BLZF1: variants seen among roughly 807,000 people sequenced by gnomAD.
The protein encoded by BLZF1 is basic leucine zipper nuclear factor 1.
BLZF1 carries 39 observed loss-of-function variants against 43.8 expected under a neutral mutation model. The ratio of observed to expected loss-of-function variants is 0.89; its 90% confidence interval spans 0.69 to 1.16. The LOEUF (loss-of-function observed/expected upper bound fraction) is 1.16. Ranked by LOEUF, BLZF1 falls within the 50% of genes most tolerant of loss-of-function variation. The probability of loss-of-function intolerance (pLI) is 0.00; values close to 1 mark genes in which losing one functional copy is unlikely to be tolerated. For missense variants in BLZF1, 449 were observed against 469.8 expected (o/e 0.96, Z 0.41); for synonymous variants, 136 against 159.4 (o/e 0.85, Z 1.11).
chr1:169,390,493 C>T (rs1654791650), downstream of BLZF1, among the ~76,000 whole-genome samples: 1 of 152,032 alleles, frequency 6.6e-6, no homozygotes, highest in South Asian at 2.1e-4. Flanking sequence ...AAAGTGGGGA[C>T]ATTATTAGTC....
chr1:169,392,405 G>C (rs1654835402), downstream of BLZF1, among the ~76,000 whole-genome samples: 1 of 152,130 alleles, frequency 6.6e-6, no homozygotes, highest in African/African-American at 2.4e-5. Context: ...CTAACATACA[G>C]ATCAATAGAA....
downstream of BLZF1, among the ~76,000 whole-genome samples, chr1:169,388,616 T>C (rs1297676527): frequency 6.6e-6 from 1 of 152,182 alleles, no homozygotes; most frequent in Non-Finnish European, 1.5e-5. Flanking sequence ...GCAAATCATA[T>C]ATCTGATAAC....
chr1:169,379,550 A>G (rs902624774), intron 4 of BLZF1, among the ~76,000 whole-genome samples: 2 of 152,022 alleles, frequency 1.3e-5, no homozygotes, highest in African/African-American at 4.8e-5. Flanking sequence ...CCTGATCAAC[A>G]CCAATAGTAA....
At chr1:169,392,752 T>TTGA (rs1654845832), downstream of BLZF1, among the ~76,000 whole-genome samples, 2 of 152,154 alleles carry the variant, frequency 1.3e-5, no homozygotes. Context: ...GAAGGTTAAG[T>TTGA]TGATTACCAG....
intron 2 of BLZF1, among the ~76,000 whole-genome samples, chr1:169,372,331 A>AT (rs754729327): frequency 8.5e-5 from 13 of 152,118 alleles, no homozygotes; most frequent in Non-Finnish European, 1.6e-4. Flanking sequence ...GGAATTAATG[A>AT]TTTAGGGTAG....
At chr1:169,389,038 C>T (rs1013274540), downstream of BLZF1, among the ~76,000 whole-genome samples, 1 of 152,132 alleles carries the variant, frequency 6.6e-6, no homozygotes, top group South Asian at 2.1e-4. Context: ...CAGAGAATTG[C>T]TTGAACCTGG....
At chr1:169,378,882 T>C (rs1003534416) in intron 4 of BLZF1, among the ~76,000 whole-genome samples, 18 of 152,004 alleles carry the variant, frequency 1.2e-4, no homozygotes, top group African/African-American at 4.1e-4. Context: ...CAAGATAATA[T>C]TATTCATTCT....
chr1:169,394,349 C>T (rs1353341661), intron 7 of BLZF1, among the ~76,000 whole-genome samples: 3 of 152,078 alleles, frequency 2.0e-5, no homozygotes, highest in East Asian at 1.9e-4. Flanking sequence ...ATTTCAGATT[C>T]GGGGATACAT....
At chr1:169,385,779 T>C (rs1422900949) in intron 6 of BLZF1, among the ~76,000 whole-genome samples, 1 of 151,684 alleles carries the variant, frequency 6.6e-6, no homozygotes, top group Non-Finnish European at 1.5e-5. Context: ...ATTCTTAGAG[T>C]AGTGATGGCT....
At position 169,382,280 on chromosome 1, in the gene BLZF1, C is replaced by T. The variant is rs371736116; in HGVS notation, c.1016C>T (p.Thr339Met). 2.8e-5 allele frequency: 45 copies of T among 1,611,654 alleles called. No homozygotes were observed. Among genetic ancestry groups the T allele is most frequent in the Admixed American group, 8.4e-5 (5 of 59,824 alleles). Residue 339 changes from threonine to methionine, a missense_variant and splice_region_variant, in exon 6 of 7, where the codon ACG becomes ATG. Thr to Met is a moderately conservative substitution (Grantham distance 81). Transcript: ENST00000367808. ...ACCCCAGCTGAGAAAATGGCTGAAA[C>T]GGTAAAATATTTTCTTTTGTGATCT... Reference protein sequence around the residue: ...CSTPAEKMAETVLRILDPVTC... With the variant: ...CSTPAEKMAEMVLRILDPVTC...
intron 2 of BLZF1, 98 bp downstream of exon 2, chr1:169,369,648 G>A (rs1654039626): frequency 1.2e-6 from 1 of 822,034 alleles, no homozygotes; most frequent in Non-Finnish European, 1.9e-6. Flanking sequence ...ACCCCCTTGG[G>A]AATCATTTGT....
chr1:169,377,917 T>C (rs1446978561), intron 3 of BLZF1, among the ~76,000 whole-genome samples: 1 of 152,042 alleles, frequency 6.6e-6, no homozygotes. Context: ...CTTTGCTTTA[T>C]TTTTTAAAAG....
Position 169,376,899 on chromosome 1 carries a change from T to C in BLZF1, c.388T>C (p.Leu130=). The C allele has an allele frequency of 6.2e-7, 1 of 1,613,236 alleles. No individual in the cohort carries two copies. Among genetic ancestry groups the C allele is most frequent in the African/African-American group, 1.3e-5 (1 of 74,986 alleles). ...NKELSEVKNV[L]EKLKNSERRL... is the part of the protein sequence containing the mutation. ...GGAACTCTCAGAGGTAAAGAATGTATTGGAAAAGCTCAAGAATTCTGAAAG... is the reference window on the plus strand; with the variant it reads ...GGAACTCTCAGAGGTAAAGAATGTACTGGAAAAGCTCAAGAATTCTGAAAG... Residue 130 remains leucine (L), a synonymous_variant, in exon 3 of 7, where the codon TTG becomes CTG. Transcript: ENST00000367808.
chr1:169,371,975 T>G (rs758749699), intron 2 of BLZF1, among the ~76,000 whole-genome samples: 1 of 152,196 alleles, frequency 6.6e-6, no homozygotes, highest in Non-Finnish European at 1.5e-5. Context: ...ATGGGACCTC[T>G]CAGAGTCCTA....
intron 2 of BLZF1, 34 bp downstream of exon 2, chr1:169,369,584 T>G (rs924944756): frequency 2.0e-6 from 3 of 1,510,400 alleles, no homozygotes; most frequent in Admixed American, 1.7e-5. Flanking sequence ...TTTTAAAACA[T>G]GACATTTATG....
Position 169,387,125 on chromosome 1 carries a change from T to G in BLZF1, c.1146T>G (p.Tyr382Ter). The G allele has an allele frequency of 5.6e-6, 9 of 1,613,508 alleles. No homozygotes were observed. The South Asian group carries it at 8.8e-5, about 16-fold the overall frequency. Residue 382 changes from tyrosine to a stop codon, truncating the protein, a stop_gained, in exon 7 of 7, where the codon TAT becomes TAG. Coordinates refer to ENST00000367808, the MANE Select transcript of BLZF1 (RefSeq NM_001320973.2). LOFTEE classifies it high-confidence loss of function. ...NIGRFHPYTR[Y>*]ENITFNCCNH... The stretch of plus-strand genomic sequence containing the variant: ...GACGATTTCATCCCTATACTAGATA[T>G]GAAAATATAACTTTCAATTGCTGCA...
intron 2 of BLZF1, among the ~76,000 whole-genome samples, chr1:169,369,846 T>G (rs1654049295): frequency 6.6e-6 from 1 of 152,220 alleles, no homozygotes; most frequent in Admixed American, 6.5e-5. Flanking sequence ...TAAATAAGAA[T>G]ACACATTTTA....
intron 7 of BLZF1, among the ~76,000 whole-genome samples, chr1:169,393,816 G>A (rs562194221): frequency 9.2e-5 from 14 of 152,090 alleles, no homozygotes; most frequent in East Asian, 3.9e-4. Flanking sequence ...TGGCCAGGCC[G>A]GTCTCAAACT....
At chr1:169,384,090 C>T (rs1319398373) in intron 6 of BLZF1, among the ~76,000 whole-genome samples, 2 of 151,704 alleles carry the variant, frequency 1.3e-5, no homozygotes, top group African/African-American at 2.4e-5. Flanking sequence ...TTTGTACAAC[C>T]CCCCACCCCT....
Sources: gnomAD v4.1 joint callset for allele counts (sites outside exome capture counted in the v4.1 genomes callset) on GRCh38, gnomAD v4.1.1 for gene constraint, MANE v1.5 for transcripts, NCBI Gene and HGNC (gene_info 2026-07-23, HGNC 2026-07-21) for gene names.